Variants in BRSK2 observed in about 807,000 individuals in gnomAD.
BRSK2 encodes the protein serine/threonine-protein kinase BRSK2.
A neutral mutation model predicts 83.3 loss-of-function variants in BRSK2; 19 were observed. That is an observed-to-expected ratio of 0.23 (90% CI 0.16 to 0.33). BRSK2 has a LOEUF of 0.33. Among genes scored for constraint, BRSK2 ranks in the 10% least tolerant of loss-of-function variants. The pLI, the probability that BRSK2 is intolerant of heterozygous loss-of-function variation, is 1.00. For missense variants in BRSK2, 798 were observed against 1,042.3 expected, an observed-to-expected ratio of 0.77 and a Z score of 3.23; for synonymous variants, 519 against 435.4, an observed-to-expected ratio of 1.19 and a Z score of -2.39.
chr11:1,425,540 C>A (rs1849115488), intron 1 of BRSK2, among the ~76,000 whole-genome samples: 1 of 152,176 alleles, frequency 6.6e-6, no homozygotes, highest in Non-Finnish European at 1.5e-5. Context: ...GGAGGCAGGG[C>A]AGGCCTGTCC....
intron 3 of BRSK2, among the ~76,000 whole-genome samples, chr11:1,439,843 C>CCTTCCCCTGCCCTGGGGGCTTCATAT (rs1233661307): frequency 6.7e-6 from 1 of 149,168 alleles, no homozygotes; most frequent in Non-Finnish European, 1.5e-5. Context: ...GGGCTTCACA[C>CCTTCCCCTGCCCTGGGGGCTTCATAT]CTTCCCCTGC....
chr11:1,419,150 G>GC (rs1179496827), intron 1 of BRSK2, among the ~76,000 whole-genome samples: 1 of 147,604 alleles, frequency 6.8e-6, no homozygotes, highest in African/African-American at 2.5e-5. Context: ...ACTGGTGGCG[G>GC]GGGGGGCCTT....
chr11:1,439,579 A>G (rs1283500191), intron 3 of BRSK2, among the ~76,000 whole-genome samples: 1 of 152,084 alleles, frequency 6.6e-6, no homozygotes, highest in Non-Finnish European at 1.5e-5. Flanking sequence ...CCAAGGCCCA[A>G]GAACAGGAAA....
chr11:1,397,668 G>A (rs997063787), intron 1 of BRSK2, among the ~76,000 whole-genome samples: 1 of 152,220 alleles, frequency 6.6e-6, no homozygotes, highest in African/African-American at 2.4e-5. Flanking sequence ...GTTGGCATGT[G>A]TCTCTCTGGG....
chr11:1,419,861 C>T (rs1421142421), intron 1 of BRSK2, among the ~76,000 whole-genome samples: 3 of 152,318 alleles, frequency 2.0e-5, no homozygotes, highest in East Asian at 3.9e-4. Context: ...TGCAGTAAGC[C>T]GAGATGGCGC....
Position 1,436,122 on chromosome 11 carries a change from G to A in BRSK2, c.174G>A (p.Ser58=), listed in dbSNP as rs761954063. The change falls in exon 2 of 20, where the codon TCG becomes TCA. Residue 58 remains serine, a synonymous_variant. Coordinates refer to ENST00000528841, the MANE Select transcript of BRSK2 (RefSeq NM_001256627.2). ...TCAACCGTGAGAAGCTCAGCGAGTC[G>A]GTGCTGATGAAGGTGGGTGGGGCCG... is the stretch of plus-strand genomic sequence containing the variant. The part of the protein sequence containing the change: ...KIVNREKLSE[S]VLMKVEREIA... 1.2e-5 allele frequency: 18 copies of A among 1,563,144 alleles called. No homozygotes were observed. Among genetic ancestry groups the A allele is most frequent in the Middle Eastern group, 2.0e-4 (1 of 5,030 alleles).
In BRSK2 at chr11:1,445,295, G is replaced by A. The variant is rs757243236; in HGVS notation, c.814G>A (p.Gly272Arg). 1 of 1,605,966 alleles carries A rather than the reference G, an allele frequency of 6.2e-7. No individual in the cohort carries two copies. The highest frequency in any genetic ancestry group is 2.2e-5 in the East Asian group (1 of 44,640). ...GGGTGGCCCGTCCTGTGTCCACAGA[G>A]GGGGCAAGAATGAGCCCGAACCAGA... The part of the protein sequence containing the change: ...EHIQKHIWYI[G>R]GKNEPEPEQP... Residue 272 changes from glycine (G) to arginine (R), a missense_variant and splice_region_variant, in exon 10 of 20, where the codon GGG (glycine) becomes AGG (arginine). Transcript: ENST00000528841.
intron 18 of BRSK2, among the ~76,000 whole-genome samples, chr11:1,458,467 C>T (rs2133287995): frequency 6.6e-6 from 1 of 152,252 alleles, no homozygotes; most frequent in South Asian, 2.1e-4. Context: ...CTGCCCCCCT[C>T]CCACACTGGA....
chr11:1,452,499 G>A (rs981187823), intron 15 of BRSK2, among the ~76,000 whole-genome samples: 1 of 152,242 alleles, frequency 6.6e-6, no homozygotes, highest in African/African-American at 2.4e-5. Flanking sequence ...AAGCCGAGAA[G>A]GTGGCTTTGA....
rs183796451 is a variant in BRSK2 at position 1,461,695 on chromosome 11, G to A, written c.*972G>A. On this transcript the variant is annotated 3_prime_UTR_variant, in exon 20 of 20. Coordinates refer to ENST00000528841, the MANE Select transcript of BRSK2 (RefSeq NM_001256627.2). ...GCTGGTGGGGCGCGGGGGGGCTGGC[G>A]AGCTACTGTAAACTTTAAAGAATTC... 2.0e-5 allele frequency: 3 copies of A among 151,934 alleles called. No individual in the cohort carries two copies. Among genetic ancestry groups the A allele is most frequent in the Non-Finnish European group, 2.9e-5 (2 of 68,012 alleles). 9.4% of individuals were successfully genotyped at this position (151,934 alleles called of 1,614,324 possible).
intron 7 of BRSK2, 37 bp from the exon 8 acceptor site, chr11:1,443,451 GC>G (rs751191948): frequency 7.6e-6 from 12 of 1,569,564 alleles, no homozygotes; most frequent in African/African-American, 6.8e-5. Context: ...CCCCAAACCT[GC>G]CCCCCCACGC....
intron 1 of BRSK2, among the ~76,000 whole-genome samples, chr11:1,401,480 C>A (rs1171430586): frequency 6.6e-6 from 1 of 152,298 alleles, no homozygotes; most frequent in East Asian, 1.9e-4. Context: ...CCCCTGGGAC[C>A]AGGGCCAGCA....
At position 1,423,104 on chromosome 11, in the gene BRSK2, G is replaced by A. The variant is rs541326748; in HGVS notation, c.92-12936G>A. Among the ~76,000 whole-genome samples, 3 of 152,324 alleles carry A rather than the reference G, an allele frequency of 2.0e-5. No homozygotes were observed. In the South Asian group the frequency reaches 6.2e-4, roughly 32 times the overall value. ...ATGTCCAGGTACCTCCAGGCCCCAT[G>A]CACCCAGGACCTCCCCAAGAGCTGT... On this transcript the variant is annotated intron_variant, in intron 1 of 19. Coordinates refer to ENST00000528841, the MANE Select transcript of BRSK2 (RefSeq NM_001256627.2). The surrounding 1 kb of genome is among the most constrained non-coding windows in gnomAD (Gnocchi z 6.5).
rs1848864756 is a variant in BRSK2 at position 1,423,702 on chromosome 11, C to T, written c.92-12338C>T. On this transcript the variant is annotated intron_variant, in intron 1 of 19. Transcript: ENST00000528841. This position sits in a 1 kb window ranked among gnomAD's most constrained non-coding sequence, Gnocchi z 6.5. Reference sequence around the variant, plus strand: ...GCTGGGCGTTCCGGGTGCCCCAGGCCTCCCCCGCTGGGCGTTCCGGGTGCC... The same window carrying T: ...GCTGGGCGTTCCGGGTGCCCCAGGCTTCCCCCGCTGGGCGTTCCGGGTGCC... Among the ~76,000 whole-genome samples the T allele has an allele frequency of 1.3e-5, 2 of 151,504 alleles. No homozygotes were observed. Among genetic ancestry groups the T allele is most frequent in the Non-Finnish European group, 2.9e-5 (2 of 67,804 alleles).
chr11:1,443,178 G>C (rs1307566261), intron 6 of BRSK2, 39 bp downstream of exon 6: 2 of 1,534,694 alleles, frequency 1.3e-6, no homozygotes, highest in East Asian at 2.4e-5. Context: ...GTGGGGCCCA[G>C]GGTGGCGGGG....
intron 1 of BRSK2, among the ~76,000 whole-genome samples, chr11:1,420,995 C>T (rs1354214259): frequency 6.6e-6 from 1 of 152,230 alleles, no homozygotes; most frequent in Non-Finnish European, 1.5e-5. Flanking sequence ...GGGCCTCCCA[C>T]CGACATCTTT....
intron 18 of BRSK2, 96 bp downstream of exon 18, chr11:1,456,783 C>A: frequency 7.3e-7 from 1 of 1,362,988 alleles, no homozygotes; most frequent in Non-Finnish European, 1.0e-6. Context: ...CCGGGCGCAG[C>A]CTCCTGGCCC....
At position 1,444,993 on chromosome 11, in the gene BRSK2, T is replaced by C. The variant is rs1205921229; in HGVS notation, c.803T>C (p.Ile268Thr). The C allele has an allele frequency of 6.2e-7, 1 of 1,613,118 alleles. No individual in the cohort carries two copies. Among genetic ancestry groups the C allele is most frequent in the Non-Finnish European group, 8.5e-7 (1 of 1,179,224 alleles). ...TAGCTAGAGCACATTCAGAAACACA[T>C]ATGGTATATGTAAGTAGCTTTTCCA... ...RLTLEHIQKH[I>T]WYIGGKNEPE... The change falls in exon 9 of 20, where the codon ATA (isoleucine) becomes ACA (threonine). Residue 268 changes from isoleucine (I) to threonine (T), a missense_variant. Ile to Thr is a moderately conservative substitution (Grantham distance 89). Coordinates refer to ENST00000528841, the MANE Select transcript of BRSK2 (RefSeq NM_001256627.2).
intron 1 of BRSK2, among the ~76,000 whole-genome samples, chr11:1,415,689 G>C (rs894822682): frequency 2.6e-5 from 4 of 152,252 alleles, no homozygotes; most frequent in African/African-American, 9.6e-5. Flanking sequence ...CCCGGGGCCT[G>C]CTCTGCCCCC....
Sources: allele counts gnomAD v4.1 joint callset (sites outside exome capture counted in the v4.1 genomes callset), GRCh38; gene constraint gnomAD v4.1.1; non-coding constraint Gnocchi (gnomAD v3.1); transcripts MANE v1.5; gene names NCBI Gene and HGNC (gene_info 2026-07-23, HGNC 2026-07-21).